RNF38: variants seen among roughly 807,000 people sequenced by gnomAD.
The protein encoded by RNF38 is E3 ubiquitin-protein ligase RNF38.
Under a neutral mutation model 67.2 loss-of-function variants are expected in RNF38, and 15 were observed. That is an observed-to-expected ratio of 0.22 (90% confidence interval 0.15 to 0.34). The LOEUF (loss-of-function observed/expected upper bound fraction) is 0.34. RNF38 is among the 10% of genes least tolerant of loss of function. The pLI is 1.00. For missense variants in RNF38, 524 were observed against 639.9 expected, an observed-to-expected ratio of 0.82 and a Z score of 1.95; for synonymous variants, 220 against 218.8, an observed-to-expected ratio of 1.01 and a Z score of -0.05.
chr9:36,340,430 C>T (rs1455081417), intron 11 of RNF38, among the ~76,000 whole-genome samples: 1 of 152,180 alleles, frequency 6.6e-6, no homozygotes, highest in Non-Finnish European at 1.5e-5. Context: ...CTGTTGCCCA[C>T]AGGAGCACAG....
intron 5 of RNF38, among the ~76,000 whole-genome samples, chr9:36,356,887 G>A (rs1261359983): frequency 6.6e-6 from 1 of 152,038 alleles, no homozygotes; most frequent in African/African-American, 2.4e-5. Context: ...ATTTTCATAA[G>A]AGCACAACTC....
At chr9:36,397,043 ATATACACATGTATATATACG>A (rs1837572898) in intron 1 of RNF38, among the ~76,000 whole-genome samples, 1 of 150,620 alleles carries the variant, frequency 6.6e-6, no homozygotes, top group African/African-American at 2.4e-5. Flanking sequence ...GTATATACGT[ATATACACATGTATATATACG>A]TATATATATG....
Position 36,337,864 on chromosome 9 carries a change from T to C in RNF38, c.*1888A>G, listed in dbSNP as rs940953229. 6.6e-6 allele frequency: 1 copy of C among 152,650 alleles called. No individual in the cohort carries two copies. Among genetic ancestry groups the C allele is most frequent in the South Asian group, 2.1e-4 (1 of 4,836 alleles). The allele number at this position is 152,650 out of a possible 1,614,324, so 9.5% of individuals were successfully genotyped here. On this transcript the variant is annotated 3_prime_UTR_variant, in exon 12 of 12. Coordinates refer to ENST00000259605, the MANE Select transcript of RNF38 (RefSeq NM_022781.5). ...GACAACCCTAGGGGCAAACACAGTA[T>C]GCAAAACCCTACTTGTAGGACTAGA...
At chr9:36,376,593 TTCTA>T (rs1272693344) in intron 2 of RNF38, among the ~76,000 whole-genome samples, 4 of 151,828 alleles carry the variant, frequency 2.6e-5, no homozygotes, top group East Asian at 3.9e-4. Flanking sequence ...CTCTCCCTCC[TTCTA>T]TCTGTTTAGG....
At chr9:36,387,150 A>T (rs1226894350) in intron 2 of RNF38, among the ~76,000 whole-genome samples, 1 of 152,160 alleles carries the variant, frequency 6.6e-6, no homozygotes, top group Non-Finnish European at 1.5e-5. Flanking sequence ...CCCGTGTTTA[A>T]CACATAATCA....
At chr9:36,390,076 T>C (rs11999988) in intron 2 of RNF38, among the ~76,000 whole-genome samples, 83 of 152,330 alleles carry the variant, frequency 5.4e-4, no homozygotes, top group African/African-American at 1.8e-3. Context: ...GAAATGTATG[T>C]TACTATCGAA....
chr9:36,486,677 C>T (rs148774527), intron 1 of RNF38, among the ~76,000 whole-genome samples: 61 of 152,224 alleles, frequency 4.0e-4, no homozygotes, highest in African/African-American at 1.5e-3. Context: ...CGAAGCTCTG[C>T]CCCACTCACT....
Position 36,447,237 on chromosome 9 carries a change from T to G in RNF38, n.242-22554A>C, listed in dbSNP as rs570983899. ...ACCTAATAGCCCAATTTTAGATGAC[T>G]CCTCCTGTATTTACACAGACCTCTG... is the stretch of plus-strand genomic sequence containing the variant. On this transcript the variant is annotated intron_variant and non_coding_transcript_variant, in intron 1 of 3. Coordinates refer to the RNF38 transcript ENST00000488058. 3.9e-5 allele frequency among the ~76,000 whole-genome samples: 6 copies of G among 152,194 alleles called. No individual in the cohort carries two copies. The South Asian group carries it at 1.2e-3, about 32-fold the overall frequency.
chr9:36,376,849 C>A (rs1233697435), intron 2 of RNF38, among the ~76,000 whole-genome samples: 1 of 150,650 alleles, frequency 6.6e-6, no homozygotes, highest in Non-Finnish European at 1.5e-5. Flanking sequence ...TCGCTTGAAC[C>A]CAAGAGGCGG....
At chr9:36,395,264 C>A (rs1459557191) in intron 1 of RNF38, among the ~76,000 whole-genome samples, 2 of 151,946 alleles carry the variant, frequency 1.3e-5, no homozygotes, top group Non-Finnish European at 2.9e-5. Flanking sequence ...GCACTTAGGA[C>A]AAGACACTGT....
intron 1 of RNF38, among the ~76,000 whole-genome samples, chr9:36,435,272 A>G (rs1371224979): frequency 6.6e-6 from 1 of 152,218 alleles, no homozygotes; most frequent in Non-Finnish European, 1.5e-5. Context: ...TTAAAAAATA[A>G]ACTTTAGAAA....
At chr9:36,345,087 G>A (rs1406666318) in intron 9 of RNF38, 134 bp from the exon 10 acceptor site, 1 of 842,110 alleles carries the variant, frequency 1.2e-6, no homozygotes, top group Non-Finnish European at 1.7e-6. Context: ...CATGATCATT[G>A]TGCACTGTGG....
intron 1 of RNF38, among the ~76,000 whole-genome samples, chr9:36,396,025 TTAAA>T (rs1837484840): frequency 1.3e-5 from 2 of 152,134 alleles, no homozygotes; most frequent in African/African-American, 2.4e-5. Flanking sequence ...CCTATAAAGA[TTAAA>T]TAGAGCAGCC....
At chr9:36,388,616 C>T (rs73441050) in intron 2 of RNF38, among the ~76,000 whole-genome samples, 2,449 of 152,246 alleles carry the variant, frequency 0.016, 67 homozygotes, top group African/African-American at 0.056. Context: ...ACACCCAACT[C>T]CTCATGCTTG....
intron 1 of RNF38, among the ~76,000 whole-genome samples, chr9:36,393,831 A>T (rs1221733980): frequency 6.6e-6 from 1 of 152,140 alleles, no homozygotes; most frequent in Non-Finnish European, 1.5e-5. Flanking sequence ...GTGAGAAGGC[A>T]TGCGAAAGGT....
At chr9:36,463,929 A>G (rs1839796304) in intron 1 of RNF38, among the ~76,000 whole-genome samples, 3 of 152,242 alleles carry the variant, frequency 2.0e-5, no homozygotes, top group African/African-American at 7.2e-5. Flanking sequence ...GCACTTTGGG[A>G]GGCCGAGGCG....
chr9:36,372,703 C>T (rs569679568), intron 3 of RNF38: 44 of 488,790 alleles, frequency 9.0e-5, no homozygotes, highest in African/African-American at 8.4e-4. Flanking sequence ...ACTCTTTTGT[C>T]TTGCTATGAA....
intron 1 of RNF38, among the ~76,000 whole-genome samples, chr9:36,425,890 G>T (rs983878551): frequency 6.6e-6 from 1 of 152,164 alleles, no homozygotes; most frequent in African/African-American, 2.4e-5. Context: ...TAGAGACGGG[G>T]TTTCGCCATG....
At chr9:36,468,640 C>T (rs1289996529) in intron 1 of RNF38, among the ~76,000 whole-genome samples, 2 of 151,622 alleles carry the variant, frequency 1.3e-5, no homozygotes, top group Non-Finnish European at 2.9e-5. Flanking sequence ...AGGGAAACCC[C>T]GTCTCTATTA....
Sources: allele counts gnomAD v4.1 joint callset (sites outside exome capture counted in the v4.1 genomes callset), GRCh38; gene constraint gnomAD v4.1.1; transcripts MANE v1.5; gene names NCBI Gene and HGNC (gene_info 2026-07-23, HGNC 2026-07-21).